SORCS2: variants seen among roughly 807,000 people sequenced by gnomAD.
The protein encoded by SORCS2 is sortilin related VPS10 domain containing receptor 2.
A neutral mutation model predicts 141.6 loss-of-function variants in SORCS2; 100 were observed. The observed-to-expected ratio is 0.71, with a 90% CI of 0.60 to 0.83. The LOEUF (loss-of-function observed/expected upper bound fraction) is 0.83, where lower values mean the gene tolerates loss of function less well. SORCS2 is among the 40% of genes least tolerant of loss of function. The probability of loss-of-function intolerance (pLI) is 0.00; values close to 1 mark genes in which losing one functional copy is unlikely to be tolerated. For missense variants in SORCS2, 1,646 were observed against 1,560.2 expected, an observed-to-expected ratio of 1.05 and a Z score of -0.93; for synonymous variants, 789 against 676.9, an observed-to-expected ratio of 1.17 and a Z score of -2.57.
intron 3 of SORCS2, among the ~76,000 whole-genome samples, chr4:7,560,302 G>A (rs751329030): frequency 6.6e-6 from 1 of 152,166 alleles, no homozygotes; most frequent in Non-Finnish European, 1.5e-5. Context: ...ACTGTATTAT[G>A]GGGTGGGATG....
At chr4:7,420,316 A>G (rs1038733064) in intron 2 of SORCS2, among the ~76,000 whole-genome samples, 1 of 152,168 alleles carries the variant, frequency 6.6e-6, no homozygotes, top group African/African-American at 2.4e-5. Context: ...CAGAGTCCCC[A>G]TCTGTAAAAT....
chr4:7,555,487 T>C lies in SORCS2; in HGVS notation c.648+23858T>C, dbSNP rs540176201. On this transcript the variant is annotated intron_variant, in intron 3 of 26. Transcript: ENST00000507866. ...ATCTGAGACACAGCCCAGGCTGTGGTGCCTCAGCTCATCTCTCTACCCCAC... is the reference window on the plus strand; with the variant it reads ...ATCTGAGACACAGCCCAGGCTGTGGCGCCTCAGCTCATCTCTCTACCCCAC... Among the ~76,000 whole-genome samples, 658 of 152,344 alleles carry C rather than the reference T, an allele frequency of 4.3e-3. 3 individuals carry two copies. Among genetic ancestry groups the C allele is most frequent in the Non-Finnish European group, 5.7e-3 (391 of 68,040 alleles).
chr4:7,526,035 C>T (rs538369486), intron 2 of SORCS2, among the ~76,000 whole-genome samples: 1 of 151,022 alleles, frequency 6.6e-6, no homozygotes, highest in Non-Finnish European at 1.5e-5. Flanking sequence ...GTCCCCTCCT[C>T]ACACCTGTCT....
Position 7,367,248 on chromosome 4 carries a change from A to AC in SORCS2, c.481-29039dup, listed in dbSNP as rs570811327. ...AACACCGTTCAGGTGAGGTCACACT[A>AC]CTTCACAAGCAGCAGCAACAAACTT... On this transcript the variant is annotated intron_variant, in intron 1 of 26. Coordinates refer to ENST00000507866, the MANE Select transcript of SORCS2 (RefSeq NM_020777.3). 3.1e-4 allele frequency among the ~76,000 whole-genome samples: 47 copies of AC among 152,326 alleles called. No homozygotes were observed. In the East Asian group the frequency reaches 8.9e-3, roughly 29 times the overall value.
chr4:7,344,701 G>T (rs911753466), intron 1 of SORCS2, among the ~76,000 whole-genome samples: 2 of 152,196 alleles, frequency 1.3e-5, no homozygotes, highest in Non-Finnish European at 2.9e-5. Context: ...AGGTGAAGAG[G>T]AAGCACCGTG....
chr4:7,610,815 T>A lies in SORCS2; in HGVS notation c.649-27513T>A, dbSNP rs9291139. On this transcript the variant is annotated intron_variant, in intron 3 of 26. Transcript: ENST00000507866. ...ATTGGTAAAGTCCCGGGAGCCAAGG[T>A]GGGTGGAAGAGCAGCCCCGATCCTG... Among the ~76,000 whole-genome samples the A allele has an allele frequency of 2.4e-3, 364 of 151,958 alleles. 1 individual carries two copies. The highest frequency in any genetic ancestry group is 8.2e-3 in the African/African-American group (339 of 41,474).
chr4:7,480,506 G>T (rs1027821153), intron 2 of SORCS2, among the ~76,000 whole-genome samples: 4 of 152,240 alleles, frequency 2.6e-5, no homozygotes, highest in Admixed American at 1.3e-4. Flanking sequence ...CGTGCTGGGA[G>T]TGCAGGCTGT....
At chr4:7,403,713 A>G (rs1338629942) in intron 2 of SORCS2, among the ~76,000 whole-genome samples, 3 of 151,574 alleles carry the variant, frequency 2.0e-5, no homozygotes. Flanking sequence ...TCTTAATCTC[A>G]TTTAATTCCA....
intron 3 of SORCS2, among the ~76,000 whole-genome samples, chr4:7,533,929 G>C (rs1711874858): frequency 1.3e-5 from 2 of 152,196 alleles, no homozygotes. Flanking sequence ...CCAAAGGCTG[G>C]GGCTGCGATG....
At chr4:7,211,937 G>A (rs988551384) in intron 1 of SORCS2, among the ~76,000 whole-genome samples, 4 of 152,204 alleles carry the variant, frequency 2.6e-5, no homozygotes, top group African/African-American at 9.7e-5. Context: ...GAAGGAGATC[G>A]TGAATGTTAT....
chr4:7,406,935 T>C (rs1725005857), intron 2 of SORCS2, among the ~76,000 whole-genome samples: 1 of 152,146 alleles, frequency 6.6e-6, no homozygotes, highest in East Asian at 1.9e-4. Context: ...ATTTCTTTAT[T>C]GACCCATTGG....
intron 2 of SORCS2, among the ~76,000 whole-genome samples, chr4:7,439,751 G>A (rs1336828713): frequency 6.6e-6 from 1 of 152,214 alleles, no homozygotes; most frequent in Non-Finnish European, 1.5e-5. Context: ...TTGCTGGGCA[G>A]TGCTTCATTG....
chr4:7,287,037 T>C (rs1407531025), intron 1 of SORCS2, among the ~76,000 whole-genome samples: 1 of 152,200 alleles, frequency 6.6e-6, no homozygotes, highest in Non-Finnish European at 1.5e-5. Flanking sequence ...CTTTCTCTCT[T>C]CTGGGTTTCC....
intron 1 of SORCS2, among the ~76,000 whole-genome samples, chr4:7,336,192 G>C (rs927163825): frequency 1.3e-5 from 2 of 152,188 alleles, no homozygotes; most frequent in Non-Finnish European, 2.9e-5. Context: ...CCTGCGTCCT[G>C]GTCGATTGCT....
chr4:7,412,895 G>A (rs112938125), intron 2 of SORCS2, among the ~76,000 whole-genome samples: 1 of 152,118 alleles, frequency 6.6e-6, no homozygotes, highest in African/African-American at 2.4e-5. Context: ...ACCATGGCAG[G>A]CACCTCCTTG....
At chr4:7,263,960 TCA>T (rs1327200482) in intron 1 of SORCS2, among the ~76,000 whole-genome samples, 3 of 152,154 alleles carry the variant, frequency 2.0e-5, no homozygotes, top group African/African-American at 7.2e-5. Flanking sequence ...ACTCATTCAC[TCA>T]CTGACTCATT....
chr4:7,543,943 T>TCCACCCAC (rs1386337860), intron 3 of SORCS2, among the ~76,000 whole-genome samples: 1 of 91,202 alleles, frequency 1.1e-5, no homozygotes, highest in African/African-American at 4.4e-5. Context: ...CATCCACCCA[T>TCCACCCAC]CCATCCATCC....
intron 3 of SORCS2, among the ~76,000 whole-genome samples, chr4:7,628,265 G>A (rs958830945): frequency 6.6e-5 from 10 of 152,184 alleles, no homozygotes; most frequent in Non-Finnish European, 1.3e-4. Context: ...GCTCATGCCT[G>A]TAATCCCAGC....
intron 3 of SORCS2, among the ~76,000 whole-genome samples, chr4:7,536,560 CTG>C (rs954095707): frequency 2.0e-5 from 3 of 152,158 alleles, no homozygotes; most frequent in Non-Finnish European, 2.9e-5. Context: ...CAGCCCATGA[CTG>C]TGGGGCAGAG....
Sources: gnomAD v4.1 joint callset for allele counts (sites outside exome capture counted in the v4.1 genomes callset) on GRCh38, gnomAD v4.1.1 for gene constraint, MANE v1.5 for transcripts, NCBI Gene and HGNC (gene_info 2026-07-23, HGNC 2026-07-21) for gene names.